CLASP2: variants seen among roughly 807,000 people sequenced by gnomAD.
CLASP2 encodes the protein cytoplasmic linker associated protein 2, also known as CLIP-associating protein 2.
Under a neutral mutation model 194.4 loss-of-function variants are expected in CLASP2, and 47 were observed. The observed-to-expected ratio is 0.24, with a 90% CI of 0.19 to 0.31. The LOEUF is 0.31. Ranked by LOEUF, CLASP2 falls within the 10% of genes least tolerant of loss-of-function variation. The pLI is 1.00. For synonymous variants in CLASP2, 619 were observed against 633.5 expected (o/e 0.98, Z 0.34); for missense variants, 1,445 against 1,823.6 (o/e 0.79, Z 3.78).
At chr3:33,507,348 C>T (rs1358015104) in intron 37 of CLASP2, among the ~76,000 whole-genome samples, 1 of 152,258 alleles carries the variant, frequency 6.6e-6, no homozygotes, top group Non-Finnish European at 1.5e-5. Context: ...GAATTTCCTA[C>T]ATTCTGAATT....
chr3:33,674,184 T>C (rs1451157067), intron 6 of CLASP2, among the ~76,000 whole-genome samples: 3 of 152,054 alleles, frequency 2.0e-5, no homozygotes, highest in African/African-American at 7.2e-5. Flanking sequence ...ATTGACCACA[T>C]AGTTGGAAGT....
intron 7 of CLASP2, chr3:33,659,377 C>T: frequency 3.8e-6 from 4 of 1,051,914 alleles, no homozygotes; most frequent in Non-Finnish European, 4.6e-6. Context: ...ATCATCAAAA[C>T]ACAAGGCATG....
intron 22 of CLASP2, among the ~76,000 whole-genome samples, chr3:33,582,468 A>G (rs1344650680): frequency 6.6e-6 from 1 of 152,104 alleles, no homozygotes; most frequent in Non-Finnish European, 1.5e-5. Flanking sequence ...CAGTCTGGGC[A>G]ACATAGTGAG....
chr3:33,603,580 G>T (rs367548264), intron 17 of CLASP2, among the ~76,000 whole-genome samples: 1 of 152,124 alleles, frequency 6.6e-6, no homozygotes, highest in South Asian at 2.1e-4. Flanking sequence ...TGCAAATTAA[G>T]TCATTCAATT....
At chr3:33,620,960 G>T (rs1442960935) in intron 11 of CLASP2, among the ~76,000 whole-genome samples, 1 of 151,310 alleles carries the variant, frequency 6.6e-6, no homozygotes, top group Non-Finnish European at 1.5e-5. Flanking sequence ...TATACATCTA[G>T]ACTCATGGAT....
chr3:33,586,276 A>G (rs2067341667), intron 21 of CLASP2, among the ~76,000 whole-genome samples: 1 of 151,922 alleles, frequency 6.6e-6, no homozygotes, highest in Non-Finnish European at 1.5e-5. Flanking sequence ...GTGGGATTAT[A>G]GGCTCCTGCC....
intron 22 of CLASP2, among the ~76,000 whole-genome samples, 189 bp from the exon 23 acceptor site, chr3:33,582,117 T>G (rs2154211668): frequency 6.6e-6 from 1 of 152,320 alleles, no homozygotes; most frequent in South Asian, 2.1e-4. Flanking sequence ...GGTCCTCTAG[T>G]TTGTATGAAA....
intron 21 of CLASP2, chr3:33,588,621 A>T: frequency 1.5e-6 from 1 of 682,090 alleles, no homozygotes; most frequent in South Asian, 1.6e-5. Context: ...GACGTTAAGA[A>T]TTTCTGCTGA....
intron 26 of CLASP2, among the ~76,000 whole-genome samples, chr3:33,570,410 T>G (rs1045389113): frequency 6.6e-6 from 1 of 152,162 alleles, no homozygotes; most frequent in East Asian, 1.9e-4. Flanking sequence ...AAAAACCTTT[T>G]CAACTTACCC....
At chr3:33,649,149 T>G (rs1290578495) in intron 7 of CLASP2, among the ~76,000 whole-genome samples, 1 of 152,250 alleles carries the variant, frequency 6.6e-6, no homozygotes, top group African/African-American at 2.4e-5. Flanking sequence ...GAATGCTTTT[T>G]TCATCCACAT....
intron 36 of CLASP2, among the ~76,000 whole-genome samples, chr3:33,515,507 A>C (rs2051051413): frequency 6.6e-6 from 1 of 152,164 alleles, no homozygotes; most frequent in African/African-American, 2.4e-5. Context: ...AAAATCAGCC[A>C]GTTGTGCTGG....
intron 29 of CLASP2, among the ~76,000 whole-genome samples, chr3:33,553,039 A>G (rs2060298805): frequency 6.6e-6 from 1 of 152,220 alleles, no homozygotes; most frequent in Admixed American, 6.5e-5. Context: ...GAAGGTTTAA[A>G]TGTATGATTG....
Position 33,718,098 on chromosome 3 carries a change from G to T in CLASP2, c.-96C>A. ...TGCGGGTCCCCGCGGGAGCGGGCGG[G>T]ACTCACTTAGCCCGCCAGGGGCGCG... On this transcript the variant is annotated 5_prime_UTR_variant, in exon 1 of 39. Coordinates refer to ENST00000682230, the MANE Select transcript of CLASP2 (RefSeq NM_001365631.1). The T allele has an allele frequency of 7.7e-7, 1 of 1,305,100 alleles. No individual in the cohort carries two copies. The highest frequency in any genetic ancestry group is 1.0e-6 in the Non-Finnish European group (1 of 999,888). 80.8% of individuals were successfully genotyped at this position (1,305,100 alleles called of 1,614,324 possible). A position where few individuals can be genotyped will look rare whatever the true frequency, so the allele number is the denominator to read the frequency against.
chr3:33,592,542 A>T, intron 20 of CLASP2, 46 bp from the exon 21 acceptor site: 1 of 1,394,844 alleles, frequency 7.2e-7, no homozygotes, highest in South Asian at 1.2e-5. Context: ...TTTCTATAAT[A>T]ATGTTTAATA....
At chr3:33,581,058 GA>G (rs977443856) in intron 23 of CLASP2, among the ~76,000 whole-genome samples, 9 of 142,406 alleles carry the variant, frequency 6.3e-5, no homozygotes, top group East Asian at 2.0e-4. Context: ...AGAAAAAGAA[GA>G]AAAAAAATCT....
At position 33,586,626 on chromosome 3, in the gene CLASP2, G is replaced by C. The variant is rs866049852; in HGVS notation, c.2069-1706C>G. Among the ~76,000 whole-genome samples the C allele has an allele frequency of 2.6e-5, 4 of 152,174 alleles. No individual in the cohort carries two copies. The South Asian group carries it at 6.2e-4, about 24-fold the overall frequency. ...GTCAATCAAAGCACTTTATGTCTAC[G>C]TTGAATAGAAAAAGTACTAGATAAG... On this transcript the variant is annotated intron_variant, in intron 21 of 38. Transcript: ENST00000682230.
intron 7 of CLASP2, among the ~76,000 whole-genome samples, chr3:33,651,871 A>G (rs1249555604): frequency 6.6e-6 from 1 of 151,794 alleles, no homozygotes; most frequent in Non-Finnish European, 1.5e-5. Context: ...GTTGGCCAGG[A>G]TAGTCTCAAA....
intron 18 of CLASP2, among the ~76,000 whole-genome samples, chr3:33,601,304 C>G (rs540580781): frequency 6.6e-6 from 1 of 152,226 alleles, no homozygotes; most frequent in South Asian, 2.1e-4. Context: ...GGGCACTACC[C>G]TTAACTTTTG....
chr3:33,565,771 C>T (rs1384095546), intron 27 of CLASP2, among the ~76,000 whole-genome samples: 5 of 151,602 alleles, frequency 3.3e-5, no homozygotes, highest in African/African-American at 1.2e-4. Flanking sequence ...GAGATTGAGC[C>T]ATTGCACTCC....
Sources: gnomAD v4.1 joint callset for allele counts (sites outside exome capture counted in the v4.1 genomes callset) on GRCh38, gnomAD v4.1.1 for gene constraint, MANE v1.5 for transcripts, NCBI Gene and HGNC (gene_info 2026-07-23, HGNC 2026-07-21) for gene names.